The following RFFL variants were observed in gnomAD, a reference collection of about 807,000 sequenced individuals.
The protein encoded by RFFL is ring finger and FYVE like domain containing E3 ubiquitin protein ligase.
A neutral mutation model predicts 40.4 loss-of-function variants in RFFL; 16 were observed. That is an observed-to-expected ratio of 0.40 (90% CI 0.27 to 0.60). The LOEUF (loss-of-function observed/expected upper bound fraction) is 0.60. Ranked by LOEUF, RFFL falls within the 20% of genes least tolerant of loss-of-function variation. RFFL has a pLI of 0.47. For synonymous variants in RFFL, 154 were observed against 167.9 expected, an observed-to-expected ratio of 0.92 and a Z score of 0.64; for missense variants, 367 against 451.7, an observed-to-expected ratio of 0.81 and a Z score of 1.70.
intron 1 of RFFL, among the ~76,000 whole-genome samples, chr17:35,087,361 AAAG>A (rs1164924358): frequency 6.6e-6 from 1 of 152,182 alleles, no homozygotes; most frequent in African/African-American, 2.4e-5. Context: ...CAAAAAAAAA[AAAG>A]GTGTTCCTAT....
intron 1 of RFFL, among the ~76,000 whole-genome samples, chr17:35,087,349 T>G (rs2091436731): frequency 6.7e-6 from 1 of 149,178 alleles, no homozygotes; most frequent in South Asian, 2.1e-4. Context: ...AGACTCTGTC[T>G]CCAAAAAAAA....
At chr17:35,066,035 G>C (rs1452515079), upstream of RFFL, among the ~76,000 whole-genome samples, 1 of 152,166 alleles carries the variant, frequency 6.6e-6, no homozygotes, top group Non-Finnish European at 1.5e-5. Flanking sequence ...TGGGGCAGGA[G>C]AATCACTTGA....
In RFFL at chr17:35,015,381, G is replaced by T. The variant is rs556315901; in HGVS notation, c.887-618C>A. Among the ~76,000 whole-genome samples, 43 of 152,368 alleles carry T rather than the reference G, an allele frequency of 2.8e-4. 1 individual carries two copies. Among genetic ancestry groups the T allele is most frequent in the African/African-American group, 2.2e-4 (9 of 41,594 alleles). Reference sequence around the variant, plus strand: ...TGAAGTCAGCATTAAAGTCAAGAAAGAATGAACTATCTAGCTGTTTCAGTC... The same window carrying T: ...TGAAGTCAGCATTAAAGTCAAGAAATAATGAACTATCTAGCTGTTTCAGTC... On this transcript the variant is annotated intron_variant, in intron 5 of 6. Transcript: ENST00000394597.
Position 35,021,620 on chromosome 17 carries a change from G to A in RFFL, c.342C>T (p.Ser114=), listed in dbSNP as rs758341491. The A allele has an allele frequency of 1.2e-6, 2 of 1,614,222 alleles. No homozygotes were observed. Among genetic ancestry groups the A allele is most frequent in the East Asian group, 4.5e-5 (2 of 44,890 alleles). The part of the protein sequence containing the change: ...MKVKDLRDYL[S]LHDISTEMCR... ...ACATTTCGGTAGAGATGTCATGGAGGCTGAGATAGTCCCTCAAGTCCTTCA... is the reference window on the plus strand; with the variant it reads ...ACATTTCGGTAGAGATGTCATGGAGACTGAGATAGTCCCTCAAGTCCTTCA... Residue 114 remains serine (S), a synonymous_variant, in exon 3 of 7, where the codon AGC becomes AGT. Transcript: ENST00000394597.
chr17:35,021,245 A>T (rs1597814645), intron 3 of RFFL, 126 bp downstream of exon 3: 2 of 978,854 alleles, frequency 2.0e-6, no homozygotes, highest in African/African-American at 1.7e-5. Flanking sequence ...ACCAGTAGTC[A>T]GAAAGGCTTC....
chr17:35,044,514 G>C (rs888090901), intron 1 of RFFL, among the ~76,000 whole-genome samples: 1 of 152,212 alleles, frequency 6.6e-6, no homozygotes, highest in Non-Finnish European at 1.5e-5. Context: ...CTGCACGGAG[G>C]CTGAGGCAGG....
At chr17:35,034,003 C>T (rs893775983) in intron 1 of RFFL, among the ~76,000 whole-genome samples, 6 of 151,684 alleles carry the variant, frequency 4.0e-5, no homozygotes, top group Admixed American at 2.6e-4. Context: ...ATTAGCCAGA[C>T]GTGGTGGCGG....
intron 6 of RFFL, among the ~76,000 whole-genome samples, chr17:35,014,169 C>G (rs947335362): frequency 6.6e-6 from 1 of 152,084 alleles, no homozygotes; most frequent in Non-Finnish European, 1.5e-5. Context: ...CTGGGAGTAC[C>G]TGAGGGCCCA....
intron 1 of RFFL, among the ~76,000 whole-genome samples, chr17:35,076,159 A>G (rs2091375316): frequency 6.6e-6 from 1 of 151,510 alleles, no homozygotes; most frequent in South Asian, 2.1e-4. Flanking sequence ...ACACCTGGCT[A>G]ATTTTTGTAT....
chr17:35,083,462 G>C (rs2091412540), intron 1 of RFFL, among the ~76,000 whole-genome samples: 1 of 152,076 alleles, frequency 6.6e-6, no homozygotes, highest in African/African-American at 2.4e-5. Flanking sequence ...ATTTCAATGT[G>C]CATAATTTCA....
chr17:35,057,858 CA>C (rs951481223), intron 1 of RFFL, among the ~76,000 whole-genome samples: 2 of 151,828 alleles, frequency 1.3e-5, no homozygotes, highest in African/African-American at 4.8e-5. Flanking sequence ...TGCATTCAAT[CA>C]ACCACTTATT....
Position 35,021,359 on chromosome 17 carries a change from A to C in RFFL, c.591+12T>G. The C allele has an allele frequency of 6.6e-7, 1 of 1,517,712 alleles. No homozygotes were observed. The highest frequency in any genetic ancestry group is 8.8e-7 in the Non-Finnish European group (1 of 1,134,964). The allele number at this position is 1,517,712 out of a possible 1,614,324, so 94.0% of individuals were successfully genotyped here. A position where few individuals can be genotyped will look rare whatever the true frequency, so the allele number is the denominator to read the frequency against. ...TGGCACAGACTGGCAGAGACTACAA[A>C]TGGGCCCTTACCTGCTGATTCTCCT... is the stretch of plus-strand genomic sequence containing the variant. On this transcript the variant is annotated intron_variant, in intron 3 of 6. Coordinates refer to ENST00000394597, the MANE Select transcript of RFFL (RefSeq NM_001017368.2).
chr17:35,021,819 T>A lies in RFFL; in HGVS notation c.181-38A>T, dbSNP rs770503054. The A allele has an allele frequency of 1.2e-5, 19 of 1,608,858 alleles. No homozygotes were observed. In the South Asian group the frequency reaches 2.1e-4, roughly 18 times the overall value. On this transcript the variant is annotated intron_variant, in intron 2 of 6. Coordinates refer to ENST00000394597, the MANE Select transcript of RFFL (RefSeq NM_001017368.2). ...AAAGACACAGGAAACCATGTCAGAT[T>A]GAGAGAACAAGACAGAGAGTGCGAT...
chr17:35,087,318 G>A (rs2091436504), intron 1 of RFFL, among the ~76,000 whole-genome samples: 1 of 151,640 alleles, frequency 6.6e-6, no homozygotes, highest in Non-Finnish European at 1.5e-5. Context: ...GCCACTGCAC[G>A]CCAGTCTGAG....
upstream of RFFL, among the ~76,000 whole-genome samples, chr17:35,067,116 A>ATT (rs542174092): frequency 0.047 from 6,561 of 138,984 alleles, 521 homozygotes; most frequent in African/African-American, 0.16. Context: ...CAGAAACTGA[A>ATT]TTTTTTTTTT....
intron 1 of RFFL, among the ~76,000 whole-genome samples, chr17:35,044,729 C>G (rs1278754483): frequency 1.3e-5 from 2 of 152,174 alleles, no homozygotes; most frequent in African/African-American, 4.8e-5. Flanking sequence ...TCTTCAAACA[C>G]CAAGGTTATT....
At chr17:35,019,133 A>C (rs544872910) in intron 3 of RFFL, 1 of 152,316 alleles carries the variant, frequency 6.6e-6, no homozygotes, top group South Asian at 2.1e-4. Context: ...TCACTTATGA[A>C]CTTGTCAGAC....
Position 35,010,068 on chromosome 17 carries a change from TG to T in RFFL, c.*1899del, listed in dbSNP as rs2090926511. 2.0e-5 allele frequency: 3 copies of T among 152,176 alleles called. No homozygotes were observed. In the South Asian group the frequency reaches 6.2e-4, roughly 32 times the overall value. 9.4% of individuals were successfully genotyped at this position (152,176 alleles called of 1,614,324 possible). A position where few individuals can be genotyped will look rare whatever the true frequency, so the allele number is the denominator to read the frequency against. Reference sequence around the variant, plus strand: ...TATAACATTGAGGTAAGTGGCCCAGTGTTCAGTTGACTAGTTTATGCAGTTA... The same window carrying T: ...TATAACATTGAGGTAAGTGGCCCAGTTTCAGTTGACTAGTTTATGCAGTTA... On this transcript the variant is annotated 3_prime_UTR_variant, in exon 7 of 7. Coordinates refer to ENST00000394597, the MANE Select transcript of RFFL (RefSeq NM_001017368.2).
At chr17:35,078,564 A>C (rs1005152060) in intron 1 of RFFL, among the ~76,000 whole-genome samples, 2 of 152,238 alleles carry the variant, frequency 1.3e-5, no homozygotes, top group African/African-American at 4.8e-5. Flanking sequence ...GGCCTCCCAA[A>C]GTGCCAGAAT....
Sources: gnomAD v4.1 joint callset for allele counts (sites outside exome capture counted in the v4.1 genomes callset) on GRCh38, gnomAD v4.1.1 for gene constraint, MANE v1.5 for transcripts, NCBI Gene and HGNC (gene_info 2026-07-23, HGNC 2026-07-21) for gene names.